OC90: variants seen among roughly 807,000 people sequenced by gnomAD.
OC90 encodes the protein otoconin 90, also known as otoconin-90.
In OC90, 46 loss-of-function variants were observed where a neutral mutation model predicts 47.3. That is an observed-to-expected ratio of 0.97 (90% confidence interval 0.77 to 1.24). The LOEUF (loss-of-function observed/expected upper bound fraction) is 1.24, where lower values mean the gene tolerates loss of function less well. OC90 is among the 50% of genes most tolerant of loss of function. The pLI, the probability that OC90 is intolerant of heterozygous loss-of-function variation, is 0.00. For synonymous variants in OC90, 271 were observed against 219.5 expected, an observed-to-expected ratio of 1.23 and a Z score of -2.07; for missense variants, 688 against 583.9, an observed-to-expected ratio of 1.18 and a Z score of -1.84.
At position 132,038,783 on chromosome 8, in the gene OC90, G is replaced by T. The variant is rs371250097; in HGVS notation, c.628+7C>A. On this transcript the variant is annotated splice_region_variant and intron_variant, in intron 8 of 13. Transcript: ENST00000254627. ...GTTCAAGAGCCACCAACCCTGGGAG[G>T]CCTTACCTCTGGGCAGAAGTGTTGT... 1.3e-4 allele frequency: 206 copies of T among 1,612,468 alleles called. No homozygotes were observed. Among genetic ancestry groups the T allele is most frequent in the South Asian group, 2.7e-4 (25 of 91,008 alleles).
chr8:132,050,549 G>A (rs1823197816), intron 2 of OC90, among the ~76,000 whole-genome samples: 1 of 152,166 alleles, frequency 6.6e-6, no homozygotes, highest in Admixed American at 6.5e-5. Flanking sequence ...GAACATATCA[G>A]GAGACCAGGT....
intron 13 of OC90, among the ~76,000 whole-genome samples, chr8:132,025,105 T>G (rs913172013): frequency 6.6e-6 from 1 of 152,228 alleles, no homozygotes; most frequent in Admixed American, 6.5e-5. Flanking sequence ...TTTTTTTCTA[T>G]CACTGCAGGT....
Position 132,055,811 on chromosome 8 carries a change from T to C in OC90, c.-47-738A>G, listed in dbSNP as rs528393470. On this transcript the variant is annotated intron_variant, in intron 1 of 13. Coordinates refer to ENST00000254627, the MANE Select transcript of OC90 (RefSeq NM_001080399.3). Reference sequence around the variant, plus strand: ...GTCCAGCAACCCTACTGCTTTTCAATTGTAGCTGCCGTCTGCTGAGATCAG... The same window carrying C: ...GTCCAGCAACCCTACTGCTTTTCAACTGTAGCTGCCGTCTGCTGAGATCAG... Among the ~76,000 whole-genome samples, 19 of 152,270 alleles carry C rather than the reference T, an allele frequency of 1.2e-4. 1 individual carries two copies. The highest frequency in any genetic ancestry group is 9.7e-4 in the East Asian group (5 of 5,164).
chr8:132,024,586 C>T lies in OC90; in HGVS notation c.1329G>A (p.Glu443=). The T allele has an allele frequency of 6.2e-7, 1 of 1,613,574 alleles. No homozygotes were observed. The highest frequency in any genetic ancestry group is 8.5e-7 in the Non-Finnish European group (1 of 1,179,708). Residue 443 remains glutamate, a synonymous_variant, in exon 14 of 14, where the codon GAG becomes GAA. Coordinates refer to ENST00000254627, the MANE Select transcript of OC90 (RefSeq NM_001080399.3). ...GTGGAGGGTCCTCCTCGCTGTCCTC[C>T]TCAGAGCTGGAGCCCAGGGTGGGGG... ...PAAPTLGSSS[E]EDSEEDPPQE... is the part of the protein sequence containing the mutation.
In OC90 at chr8:132,038,992, T is replaced by A. The variant is rs779706958; in HGVS notation, c.586+3A>T. 1.2e-6 allele frequency: 2 copies of A among 1,613,834 alleles called. No individual in the cohort carries two copies. The highest frequency in any genetic ancestry group is 2.2e-5 in the South Asian group (2 of 91,078). On this transcript the variant is annotated splice_donor_region_variant and intron_variant, in intron 7 of 13. Transcript: ENST00000254627. The stretch of plus-strand genomic sequence containing the variant: ...ACGGCTGATGCAGCCAGGTTCTTCC[T>A]ACCTGGAGTCTGAGCCAGGCAGAAG...
chr8:132,035,299 ACTACATG>A (rs1822941310), intron 9 of OC90, among the ~76,000 whole-genome samples: 1 of 152,196 alleles, frequency 6.6e-6, no homozygotes, highest in Non-Finnish European at 1.5e-5. Context: ...TTAAGCTCCT[ACTACATG>A]CTAGGTATGG....
intron 1 of OC90, among the ~76,000 whole-genome samples, chr8:132,058,995 A>G (rs537482940): frequency 4.2e-4 from 64 of 151,594 alleles, no homozygotes; most frequent in African/African-American, 1.5e-3. Flanking sequence ...TCCTCCATTC[A>G]TTTATCTCCT....
intron 10 of OC90, among the ~76,000 whole-genome samples, 194 bp from the exon 11 acceptor site, chr8:132,033,358 C>A (rs955503295): frequency 3.3e-5 from 5 of 152,142 alleles, no homozygotes; most frequent in African/African-American, 9.7e-5. Context: ...TCTATGATAA[C>A]CTTAACACTG....
chr8:132,045,746 G>A (rs1413577274), intron 3 of OC90, 72 bp downstream of exon 3: 2 of 847,822 alleles, frequency 2.4e-6, no homozygotes, highest in Non-Finnish European at 3.9e-6. Context: ...TATTCAGAAG[G>A]GATCATTTTC....
At chr8:132,054,860 G>T in intron 2 of OC90, 121 bp downstream of exon 2, 1 of 587,050 alleles carries the variant, frequency 1.7e-6, no homozygotes, top group Non-Finnish European at 2.9e-6. Flanking sequence ...TTTATAGAAA[G>T]ATAAGGACAT....
At chr8:132,043,658 A>AC (rs1823087358) in intron 4 of OC90, among the ~76,000 whole-genome samples, 1 of 152,288 alleles carries the variant, frequency 6.6e-6, no homozygotes, top group South Asian at 2.1e-4. Flanking sequence ...ACCTCATTCA[A>AC]ACTTCCTTTC....
intron 1 of OC90, among the ~76,000 whole-genome samples, chr8:132,056,948 T>C (rs571888623): frequency 8.2e-4 from 125 of 152,284 alleles, no homozygotes; most frequent in African/African-American, 2.9e-3. Context: ...AGCTCCTGTT[T>C]TACAGATGAG....
chr8:132,055,084 A>G lies in OC90; in HGVS notation c.-47-11T>C. The G allele has an allele frequency of 7.2e-7, 1 of 1,396,814 alleles. No homozygotes were observed. The allele number at this position is 1,396,814 out of a possible 1,614,324, so 86.5% of individuals were successfully genotyped here. ...AACTGGAACGGACTCCTGGGAGAGAAGCCAGCAGAATAGGATGGAAGCATT... is the reference window on the plus strand; with the variant it reads ...AACTGGAACGGACTCCTGGGAGAGAGGCCAGCAGAATAGGATGGAAGCATT... On this transcript the variant is annotated splice_polypyrimidine_tract_variant and intron_variant, in intron 1 of 13. Transcript: ENST00000254627.
rs1442980751 is a variant in OC90 at position 132,039,143 on chromosome 8, A to C, written c.458-20T>G. 7 of 1,582,666 alleles carry C rather than the reference A, an allele frequency of 4.4e-6. No individual in the cohort carries two copies. Among genetic ancestry groups the C allele is most frequent in the Non-Finnish European group, 6.0e-6 (7 of 1,164,266 alleles). ...TGGACTCTGCACACAGCAAGAGCAT[A>C]GCCAATTGGAAAGATCTCAGCTGGA... On this transcript the variant is annotated intron_variant, in intron 6 of 13. Transcript: ENST00000254627.
rs1405186279 is a variant in OC90, at chr8:132,034,833, T to A, written c.681A>T (p.Glu227Asp). The part of the protein sequence containing the change: ...DTSLTALSGE[E>D]AGHDQEGVGA... ...CCACTCCTTCCTGATCGTGGCCTGC[T>A]TCTGTTCCCCAAAGAAGAGAGACAG... Residue 227 changes from glutamate (E) to aspartate (D), a missense_variant and splice_region_variant, in exon 10 of 14, where the codon GAA (glutamate) becomes GAT (aspartate). Glu to Asp is a conservative substitution (Grantham distance 45). Transcript: ENST00000254627. The A allele has an allele frequency of 1.2e-6, 2 of 1,612,254 alleles. No individual in the cohort carries two copies. Among genetic ancestry groups the A allele is most frequent in the Non-Finnish European group, 1.7e-6 (2 of 1,178,698 alleles).
intron 3 of OC90, among the ~76,000 whole-genome samples, chr8:132,044,967 G>T (rs892942969): frequency 1.3e-5 from 2 of 152,202 alleles, no homozygotes; most frequent in Admixed American, 6.5e-5. Flanking sequence ...TGAGTTGTTT[G>T]TTATCTGGGA....
intron 12 of OC90, 125 bp downstream of exon 12, chr8:132,031,756 T>C: frequency 1.4e-6 from 1 of 738,582 alleles, no homozygotes; most frequent in East Asian, 2.7e-5. Context: ...AGTGAGCTGC[T>C]GTGTGCACCA....
At chr8:132,038,953 A>T in intron 7 of OC90, 42 bp downstream of exon 7, 1 of 1,613,798 alleles carries the variant, frequency 6.2e-7, no homozygotes, top group Non-Finnish European at 8.5e-7. Flanking sequence ...GCTGCTGTCC[A>T]GATCCTCAGC....
At chr8:132,036,412 G>A (rs574621920) in intron 9 of OC90, 5 of 780,772 alleles carry the variant, frequency 6.4e-6, no homozygotes, top group African/African-American at 5.1e-5. Context: ...CTCAGTCTCT[G>A]CAGCCACTGT....
Sources: allele counts gnomAD v4.1 joint callset (sites outside exome capture counted in the v4.1 genomes callset), GRCh38; gene constraint gnomAD v4.1.1; transcripts MANE v1.5; gene names NCBI Gene and HGNC (gene_info 2026-07-23, HGNC 2026-07-21).